The following STPG1 variants were observed in gnomAD, a reference collection of about 807,000 sequenced individuals.
STPG1 encodes sperm tail PG-rich repeat containing 1.
In STPG1, 33 loss-of-function variants were observed where a neutral mutation model predicts 40.1. That is an observed-to-expected ratio of 0.82 (90% CI 0.62 to 1.10). The LOEUF (loss-of-function observed/expected upper bound fraction) is 1.10. STPG1 is among the 50% of genes least tolerant of loss of function. The pLI, the probability that STPG1 is intolerant of heterozygous loss-of-function variation, is 0.00. For synonymous variants in STPG1, 150 were observed against 155.0 expected (o/e 0.97, Z 0.24); for missense variants, 396 against 415.1 (o/e 0.95, Z 0.40).
chr1:24,376,736 G>A (rs930539767), intron 5 of STPG1, among the ~76,000 whole-genome samples: 1 of 152,156 alleles, frequency 6.6e-6, no homozygotes, highest in African/African-American at 2.4e-5. Context: ...CTGCAGAGAG[G>A]GGCATCCGCA....
intron 2 of STPG1, among the ~76,000 whole-genome samples, chr1:24,400,241 T>G (rs1358043678): frequency 6.6e-6 from 1 of 152,206 alleles, no homozygotes; most frequent in Non-Finnish European, 1.5e-5. Context: ...CTCTGAAACA[T>G]AAGCCTGAGA....
Position 24,373,820 on chromosome 1 carries a change from G to T in STPG1, c.463-10C>A. ...AGCAAGAGACAGAGGCCTAGGGGGA[G>T]AAAATACACCCAATGTACTCAGTAC... On this transcript the variant is annotated splice_polypyrimidine_tract_variant and intron_variant, in intron 5 of 8. Transcript: ENST00000337248. 6.3e-7 allele frequency: 1 copy of T among 1,574,896 alleles called. No individual in the cohort carries two copies. The highest frequency in any genetic ancestry group is 1.1e-5 in the South Asian group (1 of 90,186).
intron 3 of STPG1, among the ~76,000 whole-genome samples, chr1:24,387,485 G>A (rs944231300): frequency 2.0e-4 from 30 of 152,090 alleles, no homozygotes; most frequent in South Asian, 2.1e-4. Context: ...GCTGTGGGAG[G>A]TGCCTCCACC....
intron 3 of STPG1, among the ~76,000 whole-genome samples, chr1:24,388,672 G>A (rs1642619668): frequency 6.6e-6 from 1 of 152,240 alleles, no homozygotes; most frequent in African/African-American, 2.4e-5. Context: ...CGGTGTGGGT[G>A]ACTAATGCTT....
chr1:24,387,349 G>T (rs1642558760), intron 3 of STPG1, among the ~76,000 whole-genome samples: 6 of 152,178 alleles, frequency 3.9e-5, no homozygotes. Flanking sequence ...GGGGGCATTT[G>T]ATCCATTTTT....
At position 24,389,485 on chromosome 1, in the gene STPG1, A is replaced by G. The variant is rs192984406; in HGVS notation, c.189+2076T>C. 1.1e-3 allele frequency among the ~76,000 whole-genome samples: 174 copies of G among 152,254 alleles called. 1 individual carries two copies. Among genetic ancestry groups the G allele is most frequent in the African/African-American group, 3.8e-3 (157 of 41,552 alleles). On this transcript the variant is annotated intron_variant, in intron 3 of 8. Transcript: ENST00000337248. ...TAATTCTTTCAACATTGATTCAGCAAACATTTACTTTGAGCCTCTTAAGTG... is the reference window on the plus strand; with the variant it reads ...TAATTCTTTCAACATTGATTCAGCAGACATTTACTTTGAGCCTCTTAAGTG...
chr1:24,376,207 G>A (rs752564291), intron 5 of STPG1, among the ~76,000 whole-genome samples: 19 of 152,082 alleles, frequency 1.2e-4, no homozygotes, highest in African/African-American at 4.3e-4. Context: ...TTTTAGTAGA[G>A]GCGAGGTTTC....
At chr1:24,388,751 A>G (rs1376088450) in intron 3 of STPG1, among the ~76,000 whole-genome samples, 6 of 152,246 alleles carry the variant, frequency 3.9e-5, no homozygotes, top group African/African-American at 1.4e-4. Context: ...CTAAATTATC[A>G]GGTGATGTTA....
At chr1:24,412,140 T>A (rs1008483391) in intron 1 of STPG1, 1 of 152,148 alleles carries the variant, frequency 6.6e-6, no homozygotes, top group African/African-American at 2.4e-5. Context: ...TTACCATGAG[T>A]CACAGTCAAA....
Position 24,357,473 on chromosome 1 carries a change from G to A in STPG1, c.*1070C>T, listed in dbSNP as rs1640801436. ...CCACTGCCCAGACCCCACCCTGGAGGAGTTAAATCAGCATTTGTGGGTGGG... is the reference window on the plus strand; with the variant it reads ...CCACTGCCCAGACCCCACCCTGGAGAAGTTAAATCAGCATTTGTGGGTGGG... On this transcript the variant is annotated 3_prime_UTR_variant, in exon 9 of 9. Coordinates refer to ENST00000337248, the MANE Select transcript of STPG1 (RefSeq NM_001199013.2). 6.5e-6 allele frequency: 1 copy of A among 152,760 alleles called. No individual in the cohort carries two copies. The highest frequency in any genetic ancestry group is 6.5e-5 in the Admixed American group (1 of 15,308). 9.5% of individuals were successfully genotyped at this position (152,760 alleles called of 1,614,324 possible).
chr1:24,376,637 C>T (rs1642038774), intron 5 of STPG1, among the ~76,000 whole-genome samples: 2 of 152,110 alleles, frequency 1.3e-5, no homozygotes, highest in East Asian at 1.9e-4. Flanking sequence ...GCATTGGAGA[C>T]AGGAAGCCGG....
intron 5 of STPG1, 48 bp from the exon 6 acceptor site, chr1:24,373,858 T>G (rs376203000): frequency 3.7e-6 from 5 of 1,359,122 alleles, no homozygotes; most frequent in Non-Finnish European, 5.2e-6. Flanking sequence ...TTCCTTTCTT[T>G]GTCTTCGTCA....
rs563744114 is a variant in STPG1 at position 24,381,906 on chromosome 1, C to T, written c.291+1996G>A. On this transcript the variant is annotated intron_variant, in intron 4 of 8. Coordinates refer to ENST00000337248, the MANE Select transcript of STPG1 (RefSeq NM_001199013.2). ...CAGTTCACACGGGAATGAGGTAAAA[C>T]GCAGAGATCTCCTAATAGATCGCCA... 1.1e-4 allele frequency among the ~76,000 whole-genome samples: 16 copies of T among 152,290 alleles called. No individual in the cohort carries two copies. The South Asian group carries it at 1.4e-3, about 14-fold the overall frequency.
intron 5 of STPG1, among the ~76,000 whole-genome samples, chr1:24,375,590 C>T (rs1231100939): frequency 6.6e-6 from 1 of 151,934 alleles, no homozygotes; most frequent in African/African-American, 2.4e-5. Flanking sequence ...AACACATTAC[C>T]AAGGAAGAGG....
Position 24,360,994 on chromosome 1 carries a change from G to A in STPG1, c.785C>T (p.Pro262Leu), listed in dbSNP as rs565096415. The change falls in exon 8 of 9, where the codon CCG becomes CTG. Residue 262 changes from proline (P) to leucine (L), a missense_variant. Physicochemically the swap from Pro to Leu is moderately conservative, Grantham distance 98. Transcript: ENST00000337248. ...NFSAQPSPLPPKPPFPGPGQY... is the reference protein window; with the variant it reads ...NFSAQPSPLPLKPPFPGPGQY... ...ACCAGGACCTGGGAAAGGTGGCTTC[G>A]GAGGCAGAGGCGAAGGCTGAGCAGA... 21 of 1,613,520 alleles carry A rather than the reference G, an allele frequency of 1.3e-5. No homozygotes were observed. Among genetic ancestry groups the A allele is most frequent in the Admixed American group, 5.0e-5 (3 of 59,890 alleles).
chr1:24,380,493 T>C (rs1038126826), intron 4 of STPG1, among the ~76,000 whole-genome samples: 17 of 152,194 alleles, frequency 1.1e-4, no homozygotes, highest in Non-Finnish European at 2.4e-4. Flanking sequence ...TCCCCTAAGA[T>C]AGCATGGCAA....
intron 1 of STPG1, among the ~76,000 whole-genome samples, chr1:24,407,629 G>T (rs1418753096): frequency 6.6e-6 from 1 of 151,804 alleles, no homozygotes; most frequent in East Asian, 1.9e-4. Flanking sequence ...GTAGACACGG[G>T]GTTTCACCAT....
At chr1:24,413,423 T>G (rs1360624935) in intron 1 of STPG1, among the ~76,000 whole-genome samples, 1 of 152,164 alleles carries the variant, frequency 6.6e-6, no homozygotes, top group Non-Finnish European at 1.5e-5. Flanking sequence ...TGGCAGGAGC[T>G]CGGTGGAGCA....
chr1:24,380,460 G>A (rs1178626559), intron 4 of STPG1, among the ~76,000 whole-genome samples: 1 of 152,194 alleles, frequency 6.6e-6, no homozygotes, highest in Non-Finnish European at 1.5e-5. Context: ...AAAAGTCACA[G>A]AAACTCAGTG....
Sources: gnomAD v4.1 joint callset for allele counts (sites outside exome capture counted in the v4.1 genomes callset) on GRCh38, gnomAD v4.1.1 for gene constraint, MANE v1.5 for transcripts, NCBI Gene and HGNC (gene_info 2026-07-23, HGNC 2026-07-21) for gene names.